C10orf90: variants seen among roughly 807,000 people sequenced by gnomAD.
C10orf90 encodes chromosome 10 open reading frame 90, also known as (E2-independent) E3 ubiquitin-conjugating enzyme FATS.
C10orf90 carries 56 observed loss-of-function variants against 62.5 expected under a neutral mutation model. The observed-to-expected ratio is 0.90, with a 90% confidence interval of 0.72 to 1.12. The LOEUF (loss-of-function observed/expected upper bound fraction) is 1.12. Among genes scored for constraint, C10orf90 ranks in the 50% most tolerant of loss-of-function variants. The pLI is 0.00. For synonymous variants in C10orf90, 386 were observed against 340.4 expected (o/e 1.13, Z -1.47); for missense variants, 970 against 880.4 (o/e 1.10, Z -1.29).
At chr10:126,668,007 T>C (rs1335986111) in intron 1 of C10orf90, among the ~76,000 whole-genome samples, 1 of 152,124 alleles carries the variant, frequency 6.6e-6, no homozygotes, top group South Asian at 2.1e-4. Flanking sequence ...AGGAAGTCTA[T>C]GTAAAGGTAT....
At chr10:126,540,887 G>A (rs930166074) in intron 2 of C10orf90, among the ~76,000 whole-genome samples, 1 of 152,072 alleles carries the variant, frequency 6.6e-6, no homozygotes, top group Admixed American at 6.6e-5. Flanking sequence ...AAATCAAAAG[G>A]AATATTTGCG....
At chr10:126,524,929 T>G in intron 2 of C10orf90, 1 of 761,404 alleles carries the variant, frequency 1.3e-6, no homozygotes, top group Non-Finnish European at 1.6e-6. Flanking sequence ...CAAGCATCAT[T>G]ATTACATAGT....
At chr10:126,508,158 TGAGA>T (rs57143666) in intron 3 of C10orf90, among the ~76,000 whole-genome samples, 97 of 131,520 alleles carry the variant, frequency 7.4e-4, no homozygotes, top group East Asian at 1.9e-3. Flanking sequence ...AATGAGTGAG[TGAGA>T]GAGAGAGAGA....
chr10:126,502,582 C>T (rs1862466018), intron 4 of C10orf90: 1 of 250,284 alleles, frequency 4.0e-6, no homozygotes, highest in Non-Finnish European at 8.0e-6. Flanking sequence ...TGAGATCTGG[C>T]TCTCATTATT....
chr10:126,479,235 C>G (rs748584354), intron 4 of C10orf90, among the ~76,000 whole-genome samples: 1 of 152,238 alleles, frequency 6.6e-6, no homozygotes, highest in Non-Finnish European at 1.5e-5. Context: ...GGCGGTCCTC[C>G]TGATGGGCTT....
rs1861637144 is a variant in C10orf90, at chr10:126,489,990, A to AT, written c.1534+13966dup. On this transcript the variant is annotated intron_variant, in intron 4 of 9. Transcript: ENST00000488181. Reference sequence around the variant, plus strand: ...TATATATACATATAATATATATATAATATATATTATATATTATATATATTA... The same window carrying AT: ...TATATATACATATAATATATATATAATTATATATTATATATTATATATATTA... Among the ~76,000 whole-genome samples the AT allele has an allele frequency of 7.7e-5, 8 of 103,534 alleles. No individual in the cohort carries two copies. The South Asian group carries it at 2.2e-3, about 29-fold the overall frequency. The allele number at this position is 103,534 out of a possible 152,430, so 67.9% of individuals were successfully genotyped here.
intron 2 of C10orf90, among the ~76,000 whole-genome samples, chr10:126,594,481 T>C (rs1845044605): frequency 6.6e-6 from 1 of 152,172 alleles, no homozygotes; most frequent in Non-Finnish European, 1.5e-5. Flanking sequence ...TTTCTGAATA[T>C]TCACCTACAC....
intron 2 of C10orf90, among the ~76,000 whole-genome samples, chr10:126,532,428 G>T (rs12247060): frequency 2.0e-5 from 3 of 152,048 alleles, no homozygotes; most frequent in Admixed American, 6.6e-5. Context: ...AGAAACCTCA[G>T]AGAAGACAGC....
intron 2 of C10orf90, among the ~76,000 whole-genome samples, chr10:126,555,717 T>TAAAA (rs1356825478): frequency 6.7e-6 from 1 of 148,632 alleles, no homozygotes; most frequent in Non-Finnish European, 1.5e-5. Context: ...AATAAATAAA[T>TAAAA]AAAAATTAAA....
intron 8 of C10orf90, among the ~76,000 whole-genome samples, 193 bp downstream of exon 8, chr10:126,429,594 G>A (rs1249139879): frequency 6.6e-6 from 1 of 152,130 alleles, no homozygotes; most frequent in Non-Finnish European, 1.5e-5. Context: ...TTTTCCAAGA[G>A]CAGCATTAAC....
chr10:126,459,286 T>C, intron 6 of C10orf90, 69 bp from the exon 7 acceptor site: 3 of 1,573,360 alleles, frequency 1.9e-6, no homozygotes, highest in Non-Finnish European at 2.6e-6. Flanking sequence ...ATCTGTCTGA[T>C]GCAGCCAAGA....
At chr10:126,462,059 T>G (rs1051529603) in intron 5 of C10orf90, among the ~76,000 whole-genome samples, 1 of 152,076 alleles carries the variant, frequency 6.6e-6, no homozygotes, top group Non-Finnish European at 1.5e-5. Context: ...CATAAGTAAT[T>G]GGGATGACTT....
intron 2 of C10orf90, among the ~76,000 whole-genome samples, chr10:126,645,124 G>C (rs970446134): frequency 6.6e-6 from 1 of 151,660 alleles, no homozygotes; most frequent in Non-Finnish European, 1.5e-5. Flanking sequence ...GGTGGGAGGA[G>C]GGGGGAGGGA....
chr10:126,621,273 T>G (rs1261358097), intron 2 of C10orf90, among the ~76,000 whole-genome samples: 1 of 152,252 alleles, frequency 6.6e-6, no homozygotes, highest in Non-Finnish European at 1.5e-5. Flanking sequence ...TACATTTTAG[T>G]GAGGTTGGAT....
chr10:126,631,825 C>T (rs116215518), intron 2 of C10orf90, among the ~76,000 whole-genome samples: 4,508 of 151,706 alleles, frequency 0.03, 161 homozygotes, highest in African/African-American at 0.076. Context: ...ACAGAAAGAA[C>T]GAGACAGTCA....
chr10:126,614,903 C>G (rs1308775843), intron 2 of C10orf90, among the ~76,000 whole-genome samples: 1 of 152,190 alleles, frequency 6.6e-6, no homozygotes, highest in Admixed American at 6.5e-5. Context: ...GGACTTACAG[C>G]ATAACAAAGT....
chr10:126,664,736 C>A (rs1224480460), intron 1 of C10orf90, among the ~76,000 whole-genome samples: 1 of 152,192 alleles, frequency 6.6e-6, no homozygotes, highest in East Asian at 1.9e-4. Flanking sequence ...TCACACTTGA[C>A]CTCTCATTAA....
At chr10:126,462,590 C>T (rs1860058059) in intron 5 of C10orf90, among the ~76,000 whole-genome samples, 1 of 152,178 alleles carries the variant, frequency 6.6e-6, no homozygotes, top group African/African-American at 2.4e-5. Flanking sequence ...ACCCCACAAG[C>T]CTATGACTCC....
intron 4 of C10orf90, among the ~76,000 whole-genome samples, chr10:126,490,785 G>A (rs961280255): frequency 5.9e-5 from 9 of 152,028 alleles, no homozygotes; most frequent in African/African-American, 1.7e-4. Context: ...GGATAAAGGC[G>A]AGGATGTTCC....
Sources: allele counts gnomAD v4.1 joint callset (sites outside exome capture counted in the v4.1 genomes callset), GRCh38; gene constraint gnomAD v4.1.1; transcripts MANE v1.5; gene names NCBI Gene and HGNC (gene_info 2026-07-23, HGNC 2026-07-21).